CCPG1: variants seen among roughly 807,000 people sequenced by gnomAD.
The protein encoded by CCPG1 is cell cycle progression 1, also known as cell cycle progression protein 1.
A neutral mutation model predicts 81.3 loss-of-function variants in CCPG1; 46 were observed. That is an observed-to-expected ratio of 0.57 (90% CI 0.45 to 0.72). The LOEUF is 0.72. Among genes scored for constraint, CCPG1 ranks in the 30% least tolerant of loss-of-function variants. CCPG1 has a pLI of 0.00. For synonymous variants in CCPG1, 330 were observed against 305.2 expected (o/e 1.08, Z -0.85); for missense variants, 902 against 937.6 (o/e 0.96, Z 0.50).
intron 2 of CCPG1, among the ~76,000 whole-genome samples, chr15:55,389,068 C>CAAAAAAAAAAAAAAAA: frequency 3.6e-5 from 2 of 56,298 alleles, no homozygotes; most frequent in African/African-American, 7.1e-5. Context: ...GACTCTGTCT[C>CAAAAAAAAAAAAAAAA]AAAAAAAAAA....
chr15:55,396,188 G>C (rs965521778), intron 1 of CCPG1, among the ~76,000 whole-genome samples: 1 of 151,240 alleles, frequency 6.6e-6, no homozygotes, highest in African/African-American at 2.4e-5. Flanking sequence ...CAAAATTCTG[G>C]AGAAATCCAT....
At position 55,372,010 on chromosome 15, in the gene CCPG1, A is replaced by G. The variant is rs752427349; in HGVS notation, c.489T>C (p.Ser163=). The G allele has an allele frequency of 4.3e-6, 7 of 1,613,834 alleles. No individual in the cohort carries two copies. Among genetic ancestry groups the G allele is most frequent in the Non-Finnish European group, 5.9e-6 (7 of 1,179,850 alleles). ...TGGGCTGATTACTGGTTTCATCACTACTTGATTCATCGTCACTAGGCTGAG... is the reference window on the plus strand; with the variant it reads ...TGGGCTGATTACTGGTTTCATCACTGCTTGATTCATCGTCACTAGGCTGAG... ...FSSQPSDDES[S]SDETSNQPSP... The change falls in exon 6 of 9, where the codon AGT becomes AGC. Residue 163 remains serine (S), a synonymous_variant. Coordinates refer to ENST00000442196, the MANE Select transcript of CCPG1 (RefSeq NM_001204450.2).
intron 3 of CCPG1, among the ~76,000 whole-genome samples, chr15:55,381,811 C>CAG (rs368835531): frequency 0.24 from 35,314 of 148,130 alleles, 5,188 homozygotes; most frequent in Non-Finnish European, 0.34. Flanking sequence ...GTGAAGTATA[C>CAG]ATAATACAGA....
intron 2 of CCPG1, among the ~76,000 whole-genome samples, chr15:55,387,315 T>C (rs2056820545): frequency 6.6e-6 from 1 of 152,198 alleles, no homozygotes; most frequent in African/African-American, 2.4e-5. Context: ...TAATTATCCT[T>C]GAAGGAGAAG....
Position 55,405,135 on chromosome 15 carries a change from C to T in CCPG1, c.-10+3086G>A, listed in dbSNP as rs1290143556. 2.6e-5 allele frequency among the ~76,000 whole-genome samples: 4 copies of T among 151,342 alleles called. No individual in the cohort carries two copies. In the East Asian group the frequency reaches 5.9e-4, roughly 22 times the overall value. ...CAGCACTTTAGAAGGCTGAGGCAGG[C>T]GGACCACCTGAGGTCGGGAGTTTGA... On this transcript the variant is annotated intron_variant, in intron 1 of 8. Coordinates refer to ENST00000442196, the MANE Select transcript of CCPG1 (RefSeq NM_001204450.2).
intron 1 of CCPG1, among the ~76,000 whole-genome samples, chr15:55,401,723 T>C (rs892556621): frequency 6.6e-6 from 1 of 151,212 alleles, no homozygotes; most frequent in African/African-American, 2.4e-5. Flanking sequence ...TGAAAGAGAC[T>C]GCAGGTTACA....
chr15:55,375,026 C>T (rs540697005), intron 5 of CCPG1, among the ~76,000 whole-genome samples: 3 of 152,230 alleles, frequency 2.0e-5, no homozygotes, highest in African/African-American at 4.8e-5. Context: ...TCCAAAATTT[C>T]GTCTTTAAAC....
intron 6 of CCPG1, among the ~76,000 whole-genome samples, chr15:55,366,881 A>T (rs1308740580): frequency 6.6e-6 from 1 of 152,192 alleles, no homozygotes; most frequent in East Asian, 1.9e-4. Context: ...GGGGGGAAAA[A>T]ACCACGAAAT....
chr15:55,397,255 C>G (rs1048978861), intron 1 of CCPG1, among the ~76,000 whole-genome samples: 2 of 150,782 alleles, frequency 1.3e-5, no homozygotes, highest in African/African-American at 4.9e-5. Context: ...AGATAATAAA[C>G]AGAGTGGTGG....
chr15:55,388,735 G>C (rs1038049861), intron 2 of CCPG1, among the ~76,000 whole-genome samples: 2 of 151,306 alleles, frequency 1.3e-5, no homozygotes, highest in African/African-American at 4.9e-5. Context: ...CTGCACTCTA[G>C]CCTGGGCAAC....
In CCPG1 at chr15:55,360,314, C is replaced by A; in HGVS notation, c.1459G>T (p.Gly487Cys). The change falls in exon 8 of 9, where the codon GGT (glycine) becomes TGT (cysteine). Residue 487 changes from glycine to cysteine, a missense_variant. Physicochemically the swap from Gly to Cys is radical, Grantham distance 159. Coordinates refer to ENST00000442196, the MANE Select transcript of CCPG1 (RefSeq NM_001204450.2). ...AKNKSKETFLGSVKETFDAMK... is the reference protein window; with the variant it reads ...AKNKSKETFLCSVKETFDAMK... ...GCATCAAATGTTTCCTTAACTGAAC[C>A]CAAAAATGTTTCCTTTGACTTATTT... 1 of 1,613,758 alleles carries A rather than the reference C, an allele frequency of 6.2e-7. No individual in the cohort carries two copies. The highest frequency in any genetic ancestry group is 8.5e-7 in the Non-Finnish European group (1 of 1,179,954).
At position 55,385,615 on chromosome 15, in the gene CCPG1, G is replaced by A; in HGVS notation, c.160C>T (p.Gln54Ter). ...SLEQEELQAL[Q>*]IEQGESSQNG... ...AACAACTTACCTCCTTGCTCTATCT[G>A]CAATGCTTGAAGCTCCTCTTGCTCT... The change falls in exon 3 of 9, where the codon CAG (glutamine) becomes TAG (stop). Residue 54 changes from glutamine (Q) to a stop codon, truncating the protein, a stop_gained. Coordinates refer to ENST00000442196, the MANE Select transcript of CCPG1 (RefSeq NM_001204450.2). LOFTEE classifies it high-confidence loss of function. 1 of 1,588,314 alleles carries A rather than the reference G, an allele frequency of 6.3e-7. No homozygotes were observed. The highest frequency in any genetic ancestry group is 8.6e-7 in the Non-Finnish European group (1 of 1,162,708).
chr15:55,383,316 T>C (rs1398340915), intron 3 of CCPG1, among the ~76,000 whole-genome samples: 1 of 152,214 alleles, frequency 6.6e-6, no homozygotes, highest in Non-Finnish European at 1.5e-5. Context: ...GTAAACCATG[T>C]TGTAAACACA....
In CCPG1 at chr15:55,386,444, C is replaced by A. The variant is rs185787259; in HGVS notation, c.61-730G>T. Among the ~76,000 whole-genome samples, 128 of 152,248 alleles carry A rather than the reference C, an allele frequency of 8.4e-4. 2 individuals carry two copies. The highest frequency in any genetic ancestry group is 3.0e-3 in the African/African-American group (125 of 41,538). ...TTTTCATTAATAATAGCGGATCATA[C>A]AATTTTTCTTTGTGTCTTAATTGTA... On this transcript the variant is annotated intron_variant, in intron 2 of 8. Transcript: ENST00000442196.
At chr15:55,384,916 T>A (rs184729737) in intron 3 of CCPG1, among the ~76,000 whole-genome samples, 128 of 152,320 alleles carry the variant, frequency 8.4e-4, no homozygotes, top group African/African-American at 2.8e-3. Context: ...TCTCTTGTGA[T>A]CAATGAATAA....
At chr15:55,377,240 G>C (rs958073292) in intron 4 of CCPG1, 90 bp from the exon 5 acceptor site, 8 of 845,112 alleles carry the variant, frequency 9.5e-6, no homozygotes, top group Admixed American at 5.1e-5. Flanking sequence ...AAGTATTATA[G>C]TCATCTGAGT....
At chr15:55,383,017 A>G (rs1398205699) in intron 3 of CCPG1, among the ~76,000 whole-genome samples, 2 of 152,206 alleles carry the variant, frequency 1.3e-5, no homozygotes, top group Non-Finnish European at 2.9e-5. Context: ...AAGATTTTCA[A>G]TTCACACACA....
At chr15:55,361,172 A>AT (rs201423569) in intron 7 of CCPG1, among the ~76,000 whole-genome samples, 104 of 144,674 alleles carry the variant, frequency 7.2e-4, no homozygotes, top group Non-Finnish European at 7.6e-4. Context: ...TGGTGTAAGA[A>AT]TTTTTTTTTT....
chr15:55,375,789 G>A (rs1049169364), intron 5 of CCPG1, among the ~76,000 whole-genome samples: 8 of 151,354 alleles, frequency 5.3e-5, no homozygotes, highest in African/African-American at 1.9e-4. Context: ...CAACCTCCCA[G>A]GCTCAAGCAA....
Sources: gnomAD v4.1 joint callset for allele counts (sites outside exome capture counted in the v4.1 genomes callset) on GRCh38, gnomAD v4.1.1 for gene constraint, MANE v1.5 for transcripts, NCBI Gene and HGNC (gene_info 2026-07-23, HGNC 2026-07-21) for gene names.